The following CKAP5 variants were observed in gnomAD, a reference collection of about 807,000 sequenced individuals.
CKAP5 encodes the protein cytoskeleton-associated protein 5.
CKAP5 carries 27 observed loss-of-function variants against 232.8 expected under a neutral mutation model. The observed-to-expected ratio is 0.12, with a 90% CI of 0.09 to 0.16. The LOEUF (loss-of-function observed/expected upper bound fraction) is 0.16, where lower values mean the gene tolerates loss of function less well. CKAP5 is among the 10% of genes least tolerant of loss of function. The probability of loss-of-function intolerance (pLI) is 1.00; values close to 1 mark genes in which losing one functional copy is unlikely to be tolerated. For missense variants in CKAP5, 1,838 were observed against 2,424.7 expected (o/e 0.76, Z 5.08); for synonymous variants, 785 against 841.1 (o/e 0.93, Z 1.16).
intron 2 of CKAP5, 46 bp downstream of exon 2, chr11:46,821,129 A>C (rs748358017): frequency 2.1e-6 from 3 of 1,447,586 alleles, no homozygotes; most frequent in Non-Finnish European, 2.9e-6. Flanking sequence ...AACTGCTCAC[A>C]AAACAAGCCA....
chr11:46,833,819 C>T (rs1005744022), intron 1 of CKAP5, among the ~76,000 whole-genome samples: 2 of 151,966 alleles, frequency 1.3e-5, no homozygotes, highest in African/African-American at 4.8e-5. Context: ...AAATACCAAG[C>T]ACTCAGTAAA....
Position 46,780,186 on chromosome 11 carries a change from A to T in CKAP5, c.2433+8T>A. 1 of 1,613,968 alleles carries T rather than the reference A, an allele frequency of 6.2e-7. No homozygotes were observed. The highest frequency in any genetic ancestry group is 1.1e-5 in the South Asian group (1 of 91,078). ...ACTAACAGATTGTATCATTTGTGGA[A>T]ATTCTACCTTCTCAAATTCTGCATC... On this transcript the variant is annotated splice_region_variant and intron_variant, in intron 20 of 43. Transcript: ENST00000529230.
At chr11:46,811,844 C>T (rs1448472151) in intron 4 of CKAP5, among the ~76,000 whole-genome samples, 1 of 152,152 alleles carries the variant, frequency 6.6e-6, no homozygotes, top group Non-Finnish European at 1.5e-5. Flanking sequence ...TAAATATTTA[C>T]ATGAATGAAA....
In CKAP5 at chr11:46,750,514, C is replaced by T; in HGVS notation, c.5544+14G>A. The T allele has an allele frequency of 6.2e-7, 1 of 1,612,512 alleles. No individual in the cohort carries two copies. Among genetic ancestry groups the T allele is most frequent in the Non-Finnish European group, 8.5e-7 (1 of 1,178,702 alleles). ...AAAGCAGACCCCTATTCTGCTTAAC[C>T]CTTTCACTCTCACCTCTTTAGTGTT... is the stretch of plus-strand genomic sequence containing the variant. On this transcript the variant is annotated intron_variant, in intron 41 of 43. Coordinates refer to ENST00000529230, the MANE Select transcript of CKAP5 (RefSeq NM_001008938.4).
intron 33 of CKAP5, chr11:46,760,254 A>G (rs2065143379): frequency 2.8e-6 from 1 of 354,738 alleles, no homozygotes; most frequent in Non-Finnish European, 5.5e-6. Flanking sequence ...CCTGATTATA[A>G]ACTCTAAGCT....
intron 1 of CKAP5, among the ~76,000 whole-genome samples, chr11:46,836,259 G>C (rs764478802): frequency 3.9e-5 from 6 of 152,256 alleles, no homozygotes; most frequent in Non-Finnish European, 7.3e-5. Context: ...CACACTGGGT[G>C]AGAGGTATGC....
At chr11:46,748,275 C>G (rs2065037028) in intron 42 of CKAP5, among the ~76,000 whole-genome samples, 1 of 152,048 alleles carries the variant, frequency 6.6e-6, no homozygotes, top group Non-Finnish European at 1.5e-5. Context: ...GCAGGGAGAT[C>G]AAGCAGGAAG....
chr11:46,798,581 C>CAA (rs112443231), intron 9 of CKAP5, among the ~76,000 whole-genome samples: 2,081 of 90,834 alleles, frequency 0.023, 24 homozygotes, highest in Middle Eastern at 0.054. Context: ...CCCTGTCTTC[C>CAA]AAAAAAAAAA....
At chr11:46,784,383 A>G (rs2065369356) in intron 17 of CKAP5, 105 bp downstream of exon 17, 1 of 950,512 alleles carries the variant, frequency 1.1e-6, no homozygotes, top group Non-Finnish European at 1.6e-6. Context: ...CAGTATCAAA[A>G]AAGATTTTAC....
intron 1 of CKAP5, among the ~76,000 whole-genome samples, chr11:46,825,502 C>G (rs1325995538): frequency 6.6e-6 from 1 of 152,132 alleles, no homozygotes; most frequent in Non-Finnish European, 1.5e-5. Context: ...ATTATTTTCT[C>G]TTCTACTTAG....
intron 42 of CKAP5, 101 bp from the exon 43 acceptor site, chr11:46,744,678 T>A: frequency 3.4e-6 from 4 of 1,183,844 alleles, no homozygotes; most frequent in Non-Finnish European, 4.8e-6. Flanking sequence ...AAGAATTTCC[T>A]ATACTTGAAA....
At chr11:46,800,214 C>G (rs1938995996) in intron 9 of CKAP5, among the ~76,000 whole-genome samples, 1 of 152,010 alleles carries the variant, frequency 6.6e-6, no homozygotes, top group Non-Finnish European at 1.5e-5. Flanking sequence ...ATGTATATGT[C>G]TAAGGGTTTT....
chr11:46,817,387 A>G (rs1939427046), intron 3 of CKAP5, among the ~76,000 whole-genome samples: 1 of 152,212 alleles, frequency 6.6e-6, no homozygotes, highest in African/African-American at 2.4e-5. Context: ...TGACTCCTTA[A>G]TAAGACTTTA....
chr11:46,752,345 G>T (rs2065076101), intron 38 of CKAP5, among the ~76,000 whole-genome samples: 1 of 149,996 alleles, frequency 6.7e-6, no homozygotes, highest in Non-Finnish European at 1.5e-5. Flanking sequence ...AAGAGATGGG[G>T]TCTCACTGTT....
intron 8 of CKAP5, among the ~76,000 whole-genome samples, chr11:46,804,535 A>G (rs1939109423): frequency 6.6e-6 from 1 of 152,230 alleles, no homozygotes; most frequent in Non-Finnish European, 1.5e-5. Context: ...AAGTGCTGTC[A>G]CTTTTCTCAT....
intron 23 of CKAP5, 31 bp from the exon 24 acceptor site, chr11:46,776,414 T>C: frequency 6.3e-7 from 1 of 1,593,760 alleles, no homozygotes; most frequent in Non-Finnish European, 8.6e-7. Flanking sequence ...GCAAAAATAA[T>C]ATCTACTACA....
chr11:46,747,316 G>A (rs1035992840), intron 42 of CKAP5, among the ~76,000 whole-genome samples: 5 of 152,046 alleles, frequency 3.3e-5, no homozygotes, highest in Admixed American at 3.3e-4. Flanking sequence ...TAAACAATAA[G>A]GTTTTACTGG....
chr11:46,817,208 G>A (rs1422591207), intron 3 of CKAP5, among the ~76,000 whole-genome samples: 1 of 151,926 alleles, frequency 6.6e-6, no homozygotes, highest in Non-Finnish European at 1.5e-5. Flanking sequence ...TCAAACTCCT[G>A]GGCTCAAGCG....
At chr11:46,840,809 C>G (rs1377868786) in intron 1 of CKAP5, among the ~76,000 whole-genome samples, 1 of 152,104 alleles carries the variant, frequency 6.6e-6, no homozygotes, top group Admixed American at 6.5e-5. Context: ...TAATCAAACC[C>G]AAGGCAGGGA....
Sources: allele counts gnomAD v4.1 joint callset (sites outside exome capture counted in the v4.1 genomes callset), GRCh38; gene constraint gnomAD v4.1.1; transcripts MANE v1.5; gene names NCBI Gene and HGNC (gene_info 2026-07-23, HGNC 2026-07-21).